Variants in MYO18B observed in about 807,000 individuals in gnomAD.
MYO18B encodes the protein myosin XVIIIB, also known as unconventional myosin-XVIIIb.
In MYO18B, 204 loss-of-function variants were observed where a neutral mutation model predicts 273.0. That is an observed-to-expected ratio of 0.75 (90% confidence interval 0.67 to 0.84). The LOEUF (loss-of-function observed/expected upper bound fraction) is 0.84. Ranked by LOEUF, MYO18B falls within the 40% of genes least tolerant of loss-of-function variation. The pLI is 0.00. For synonymous variants in MYO18B, 1,330 were observed against 1,305.7 expected (o/e 1.02, Z -0.40); for missense variants, 3,212 against 3,287.6 (o/e 0.98, Z 0.56).
At chr22:25,839,715 G>T (rs893418470) in intron 17 of MYO18B, among the ~76,000 whole-genome samples, 10 of 152,146 alleles carry the variant, frequency 6.6e-5, no homozygotes, top group African/African-American at 2.2e-4. Context: ...TGTATGATAC[G>T]GGCTCAAGAG....
In MYO18B at chr22:25,769,052, G is replaced by C. The variant is rs750078923; in HGVS notation, c.1136G>C (p.Arg379Pro). 3 of 1,612,018 alleles carry C rather than the reference G, an allele frequency of 1.9e-6. No homozygotes were observed. The African/African-American group carries it at 4.0e-5, about 22-fold the overall frequency. ...ATGGGGGAGAAAGCAGGTGAGCTTC[G>C]GAGCACGACTGGGAAGGCAGGTGAG... Reference protein sequence around the residue: ...LRMGEKAGELRSTTGKAGESW... With the variant: ...LRMGEKAGELPSTTGKAGESW... The change falls in exon 4 of 44, where the codon CGG (arginine) becomes CCG (proline). Residue 379 changes from arginine to proline, a missense_variant. Physicochemically the swap from Arg to Pro is moderately radical, Grantham distance 103. Transcript: ENST00000335473.
intron 33 of MYO18B, among the ~76,000 whole-genome samples, chr22:25,919,678 A>ATGTG (rs35856330): frequency 0.035 from 5,230 of 148,064 alleles, 202 homozygotes; most frequent in African/African-American, 0.094. Context: ...GTGTGTGTGT[A>ATGTG]TGTGTGTGTG....
intron 21 of MYO18B, among the ~76,000 whole-genome samples, chr22:25,854,086 A>G (rs2090500099): frequency 6.6e-6 from 1 of 152,170 alleles, no homozygotes; most frequent in South Asian, 2.1e-4. Flanking sequence ...TTGTCATTAG[A>G]CACTAGACGG....
At chr22:26,009,713 C>A (rs1934729030) in intron 42 of MYO18B, among the ~76,000 whole-genome samples, 1 of 152,026 alleles carries the variant, frequency 6.6e-6, no homozygotes, top group African/African-American at 2.4e-5. Flanking sequence ...CTCCTTGGTT[C>A]TCCTCAAACT....
In MYO18B at chr22:26,030,643, C is replaced by T; in HGVS notation, c.*213C>T. On this transcript the variant is annotated 3_prime_UTR_variant, in exon 44 of 44. Transcript: ENST00000335473. The stretch of plus-strand genomic sequence containing the variant: ...ACAAAATAAAGTGTTGACTCCTGGG[C>T]ATCTGTGCCTTCTCTATGGCCTTGC... The T allele has an allele frequency of 3.1e-6, 1 of 326,152 alleles. No homozygotes were observed. Among genetic ancestry groups the T allele is most frequent in the Non-Finnish European group, 5.6e-6 (1 of 179,782 alleles). The allele number at this position is 326,152 out of a possible 1,614,324, so 20.2% of individuals were successfully genotyped here.
chr22:25,841,400 G>T (rs1166718083), intron 17 of MYO18B, among the ~76,000 whole-genome samples: 1 of 151,882 alleles, frequency 6.6e-6, no homozygotes, highest in Non-Finnish European at 1.5e-5. Context: ...ATAAAGGAGT[G>T]AATGAGGGGA....
intron 11 of MYO18B, among the ~76,000 whole-genome samples, chr22:25,788,086 T>C (rs1042063624): frequency 2.0e-5 from 3 of 152,186 alleles, no homozygotes; most frequent in Non-Finnish European, 4.4e-5. Flanking sequence ...GTGGTTTGCT[T>C]TTTTTCCTCT....
chr22:25,898,502 G>A (rs1341708739), intron 29 of MYO18B, 41 bp downstream of exon 29: 2 of 1,602,292 alleles, frequency 1.2e-6, no homozygotes, highest in African/African-American at 1.3e-5. Flanking sequence ...TGCCAGGGTG[G>A]GCTACATTGG....
chr22:25,962,989 C>T (rs892443720), intron 39 of MYO18B, among the ~76,000 whole-genome samples: 1 of 152,098 alleles, frequency 6.6e-6, no homozygotes, highest in Non-Finnish European at 1.5e-5. Context: ...ATTGCAGCTC[C>T]CCTACTGCAT....
chr22:26,010,143 C>A (rs1430227901), intron 42 of MYO18B, among the ~76,000 whole-genome samples: 1 of 152,062 alleles, frequency 6.6e-6, no homozygotes, highest in Non-Finnish European at 1.5e-5. Context: ...TTGTATTCTA[C>A]CCCCCACCCA....
rs1394911930 is a variant in MYO18B at position 25,752,886 on chromosome 22, C to A, written c.-109-8098C>A. On this transcript the variant is annotated intron_variant, in intron 1 of 43. Coordinates refer to ENST00000335473, the MANE Select transcript of MYO18B (RefSeq NM_032608.7). ...GCGAGTTCCGGGTGGTCGGAGGCTC[C>A]GTACTCGGAGCGGCCGGCTCGCGCC... Among the ~76,000 whole-genome samples the A allele has an allele frequency of 2.6e-5, 4 of 152,266 alleles. No individual in the cohort carries two copies. In the South Asian group the frequency reaches 8.3e-4, roughly 32 times the overall value.
chr22:25,936,934 G>C lies in MYO18B; in HGVS notation c.5518-9203G>C, dbSNP rs1166489730. On this transcript the variant is annotated intron_variant, in intron 34 of 43. Coordinates refer to ENST00000335473, the MANE Select transcript of MYO18B (RefSeq NM_032608.7). Reference sequence around the variant, plus strand: ...TCATCTCCTAATACCATCACATTAGGGGGTGGCTTCAACATACACATTTCT... The same window carrying C: ...TCATCTCCTAATACCATCACATTAGCGGGTGGCTTCAACATACACATTTCT... 3.3e-5 allele frequency among the ~76,000 whole-genome samples: 5 copies of C among 152,140 alleles called. No homozygotes were observed. In the East Asian group the frequency reaches 9.7e-4, roughly 29 times the overall value.
At chr22:25,983,236 A>G (rs2093167679) in intron 39 of MYO18B, 5 of 152,172 alleles carry the variant, frequency 3.3e-5, no homozygotes, top group Admixed American at 3.3e-4. Flanking sequence ...GGATGTGGTG[A>G]TGTGCACCTG....
chr22:25,953,487 C>G (rs944513674), intron 38 of MYO18B: 1 of 152,156 alleles, frequency 6.6e-6, no homozygotes, highest in Non-Finnish European at 1.5e-5. Flanking sequence ...ATTCCTCATT[C>G]TGAAACATTT....
chr22:25,902,203 T>C lies in MYO18B; in HGVS notation c.4824-410T>C, dbSNP rs1049333327. Among the ~76,000 whole-genome samples, 20 of 152,046 alleles carry C rather than the reference T, an allele frequency of 1.3e-4. 1 individual carries two copies. The highest frequency in any genetic ancestry group is 1.2e-3 in the Admixed American group (19 of 15,274). On this transcript the variant is annotated intron_variant, in intron 29 of 43. Transcript: ENST00000335473. ...TTTATTCTATTTTTATTCCTGTCCA[T>C]ATATTTTTATTAGATTTTAGGGTTA...
intron 34 of MYO18B, among the ~76,000 whole-genome samples, chr22:25,942,688 G>A (rs1211584158): frequency 6.6e-6 from 1 of 152,168 alleles, no homozygotes; most frequent in Non-Finnish European, 1.5e-5. Flanking sequence ...TAGAGGTGCT[G>A]TGGGGCTGTC....
chr22:25,772,585 G>A, intron 7 of MYO18B, 75 bp downstream of exon 7: 3 of 1,435,404 alleles, frequency 2.1e-6, no homozygotes, highest in South Asian at 1.3e-5. Context: ...CTGCATCTGA[G>A]GTGACAGTAG....
chr22:25,849,773 C>T (rs1038735766), intron 20 of MYO18B, among the ~76,000 whole-genome samples: 10 of 152,214 alleles, frequency 6.6e-5, no homozygotes, highest in Admixed American at 1.3e-4. Flanking sequence ...TAGCTCATAT[C>T]GCTGAAGGCT....
intron 39 of MYO18B, among the ~76,000 whole-genome samples, chr22:25,966,242 GTTTGTTTTTGTTTTTGTT>G (rs199728411): frequency 6.6e-6 from 1 of 152,070 alleles, no homozygotes; most frequent in Non-Finnish European, 1.5e-5. Context: ...TTTTTTGTTT[GTTTGTTTTTGTTTTTGTT>G]TTTGTTTTTT....
Sources: gnomAD v4.1 joint callset for allele counts (sites outside exome capture counted in the v4.1 genomes callset) on GRCh38, gnomAD v4.1.1 for gene constraint, MANE v1.5 for transcripts, NCBI Gene and HGNC (gene_info 2026-07-23, HGNC 2026-07-21) for gene names.